The following KCNQ5 variants were observed in gnomAD, a reference collection of about 807,000 sequenced individuals.
The protein encoded by KCNQ5 is potassium voltage-gated channel subfamily KQT member 5.
In KCNQ5, 30 loss-of-function variants were observed where a neutral mutation model predicts 98.2. The observed-to-expected ratio is 0.31, with a 90% CI of 0.23 to 0.41. The LOEUF (loss-of-function observed/expected upper bound fraction) is 0.41. Ranked by LOEUF, KCNQ5 falls within the 10% of genes least tolerant of loss-of-function variation. KCNQ5 has a pLI of 1.00. For synonymous variants in KCNQ5, 458 were observed against 449.4 expected (o/e 1.02, Z -0.24); for missense variants, 835 against 1,182.5 (o/e 0.71, Z 4.31).
At chr6:72,919,553 C>T (rs1780301018) in intron 1 of KCNQ5, among the ~76,000 whole-genome samples, 1 of 151,994 alleles carries the variant, frequency 6.6e-6, no homozygotes, top group Non-Finnish European at 1.5e-5. Context: ...AAGTTCAGTT[C>T]CCAAAATCAA....
At chr6:72,832,497 C>T (rs1320965228) in intron 1 of KCNQ5, among the ~76,000 whole-genome samples, 1 of 152,100 alleles carries the variant, frequency 6.6e-6, no homozygotes, top group African/African-American at 2.4e-5. Context: ...GACAGCCCCA[C>T]AACAAAGGAT....
intron 1 of KCNQ5, among the ~76,000 whole-genome samples, chr6:72,960,613 A>G (rs1767295374): frequency 6.6e-6 from 1 of 152,182 alleles, no homozygotes; most frequent in Non-Finnish European, 1.5e-5. Flanking sequence ...TTTTTAGTAG[A>G]GACGGTGTTT....
At chr6:72,915,621 A>C (rs769167648) in intron 1 of KCNQ5, among the ~76,000 whole-genome samples, 1 of 152,198 alleles carries the variant, frequency 6.6e-6, no homozygotes, top group Non-Finnish European at 1.5e-5. Context: ...CTATGCTAAG[A>C]ACTTAAAGAT....
At chr6:72,654,032 T>C (rs970913728) in intron 1 of KCNQ5, among the ~76,000 whole-genome samples, 3 of 152,074 alleles carry the variant, frequency 2.0e-5, no homozygotes, top group Admixed American at 1.3e-4. Context: ...AATGAATACT[T>C]GATACTGTGA....
At chr6:72,791,264 T>C (rs1364612305) in intron 1 of KCNQ5, among the ~76,000 whole-genome samples, 1 of 152,200 alleles carries the variant, frequency 6.6e-6, no homozygotes, top group East Asian at 1.9e-4. Context: ...TGTATGTCCA[T>C]GTACTCACAC....
At chr6:73,169,056 G>T (rs1337691690) in intron 10 of KCNQ5, among the ~76,000 whole-genome samples, 2 of 152,204 alleles carry the variant, frequency 1.3e-5, no homozygotes, top group African/African-American at 4.8e-5. Context: ...GCAATGAAAT[G>T]AGCTTATTCC....
intron 1 of KCNQ5, among the ~76,000 whole-genome samples, chr6:72,672,678 T>C (rs1308620748): frequency 6.6e-6 from 1 of 152,158 alleles, no homozygotes; most frequent in Non-Finnish European, 1.5e-5. Context: ...CTGCCGTACC[T>C]ACCTTACAAA....
intron 3 of KCNQ5, among the ~76,000 whole-genome samples, chr6:73,071,859 T>C (rs573816788): frequency 1.1e-4 from 16 of 152,300 alleles, no homozygotes; most frequent in Admixed American, 9.2e-4. Context: ...ATCCAAACTA[T>C]AGCATAAGTA....
At chr6:72,827,802 C>T (rs1484102669) in intron 1 of KCNQ5, among the ~76,000 whole-genome samples, 1 of 151,898 alleles carries the variant, frequency 6.6e-6, no homozygotes, top group Non-Finnish European at 1.5e-5. Flanking sequence ...AAATATTTTC[C>T]CAGTCCAATG....
chr6:72,818,331 G>C (rs1161714234), intron 1 of KCNQ5, among the ~76,000 whole-genome samples: 1 of 152,000 alleles, frequency 6.6e-6, no homozygotes, highest in African/African-American at 2.4e-5. Context: ...AATTTTCTGA[G>C]TCTGTATTAA....
chr6:73,047,922 T>G (rs1309721396), intron 3 of KCNQ5, among the ~76,000 whole-genome samples: 2 of 152,188 alleles, frequency 1.3e-5, no homozygotes, highest in Non-Finnish European at 2.9e-5. Context: ...CATGAGTGAT[T>G]GTATAAAACA....
At chr6:72,864,505 C>T (rs1467006963) in intron 1 of KCNQ5, among the ~76,000 whole-genome samples, 5 of 152,096 alleles carry the variant, frequency 3.3e-5, no homozygotes, top group African/African-American at 1.2e-4. Context: ...TCATTTTCCC[C>T]CACTGTGGAA....
intron 1 of KCNQ5, among the ~76,000 whole-genome samples, chr6:72,822,511 T>A (rs1775806626): frequency 6.6e-6 from 1 of 152,218 alleles, no homozygotes; most frequent in South Asian, 2.1e-4. Context: ...AACCACAAAG[T>A]ATAAAGATAG....
chr6:73,160,470 G>T (rs528274947), intron 10 of KCNQ5, among the ~76,000 whole-genome samples: 2 of 152,312 alleles, frequency 1.3e-5, no homozygotes, highest in South Asian at 4.1e-4. Flanking sequence ...GACAATGACT[G>T]GAATTCAGCA....
intron 1 of KCNQ5, chr6:72,986,661 A>T (rs915275295): frequency 9.7e-6 from 8 of 824,656 alleles, no homozygotes; most frequent in Non-Finnish European, 1.6e-5. Context: ...CCCAGGAAGC[A>T]GGTGCTTGGC....
chr6:73,122,233 G>C (rs1370833491), intron 8 of KCNQ5, among the ~76,000 whole-genome samples: 1 of 152,160 alleles, frequency 6.6e-6, no homozygotes, highest in Non-Finnish European at 1.5e-5. Flanking sequence ...AAGGGAATCT[G>C]AGTAGGAAAA....
intron 2 of KCNQ5, among the ~76,000 whole-genome samples, chr6:73,010,319 A>AAT (rs893369751): frequency 8.1e-4 from 123 of 151,852 alleles, no homozygotes; most frequent in African/African-American, 2.8e-3. Flanking sequence ...CTATGATTAA[A>AAT]ATATATATAT....
intron 1 of KCNQ5, among the ~76,000 whole-genome samples, chr6:72,625,468 T>C (rs948462776): frequency 1.3e-5 from 2 of 152,254 alleles, no homozygotes; most frequent in South Asian, 4.1e-4. Context: ...TTTCCCTGAA[T>C]GTTGTTTGTC....
chr6:72,641,237 T>C (rs959642863), intron 1 of KCNQ5, among the ~76,000 whole-genome samples: 2 of 152,082 alleles, frequency 1.3e-5, no homozygotes, highest in African/African-American at 2.4e-5. Context: ...TTTCCTGAAA[T>C]CAAGCAAGTG....
Sources: gnomAD v4.1 joint callset for allele counts (sites outside exome capture counted in the v4.1 genomes callset) on GRCh38, gnomAD v4.1.1 for gene constraint, MANE v1.5 for transcripts, NCBI Gene and HGNC (gene_info 2026-07-23, HGNC 2026-07-21) for gene names.